Variants in RUSF1 observed in about 807,000 individuals in gnomAD.
RUSF1 encodes the protein RUS family member 1.
A neutral mutation model predicts 63.0 loss-of-function variants in RUSF1; 58 were observed. The observed-to-expected ratio is 0.92, with a 90% CI of 0.75 to 1.15. RUSF1 has a LOEUF of 1.15. RUSF1 is among the 50% of genes most tolerant of loss of function. The pLI, the probability that RUSF1 is intolerant of heterozygous loss-of-function variation, is 0.00. For synonymous variants in RUSF1, 274 were observed against 255.8 expected (o/e 1.07, Z -0.68); for missense variants, 652 against 611.0 (o/e 1.07, Z -0.71).
chr16:31,497,024 G>C, intron 5 of RUSF1, 74 bp from the exon 6 acceptor site: 1 of 1,276,798 alleles, frequency 7.8e-7, no homozygotes, highest in South Asian at 1.4e-5. Flanking sequence ...ACCAGCTGGA[G>C]AAAACCTGGC....
chr16:31,499,983 C>T lies in RUSF1; in HGVS notation c.462-458G>A, dbSNP rs376864425. ...GGGGATATGATTTCCCTGGATCACACGCAGAGTTGGGGAAAAGGCTAAGAG... is the reference window on the plus strand; with the variant it reads ...GGGGATATGATTTCCCTGGATCACATGCAGAGTTGGGGAAAAGGCTAAGAG... On this transcript the variant is annotated intron_variant, in intron 3 of 12. Coordinates refer to ENST00000327237, the MANE Select transcript of RUSF1 (RefSeq NM_022744.4). Among the ~76,000 whole-genome samples the T allele has an allele frequency of 6.6e-5, 10 of 152,264 alleles. No individual in the cohort carries two copies. The East Asian group carries it at 1.5e-3, about 24-fold the overall frequency.
At chr16:31,492,923 TGA>T in intron 10 of RUSF1, 53 bp downstream of exon 10, 1 of 1,540,730 alleles carries the variant, frequency 6.5e-7, no homozygotes, top group Admixed American at 1.7e-5. Flanking sequence ...GTTGGAGGAA[TGA>T]GAGGCTGACC....
rs556820847 is a variant in RUSF1, at chr16:31,499,411, G to A, written c.495-4C>T. 1.4e-5 allele frequency: 23 copies of A among 1,613,950 alleles called. 2 individuals carry two copies. The South Asian group carries it at 2.5e-4, about 18-fold the overall frequency. On this transcript the variant is annotated splice_region_variant and splice_polypyrimidine_tract_variant and intron_variant, in intron 4 of 12. Coordinates refer to ENST00000327237, the MANE Select transcript of RUSF1 (RefSeq NM_022744.4). Reference sequence around the variant, plus strand: ...ATTGAGGATGTCCGCAAAAAGCCTGGGGAGGGATCAGAGGTTAGAGGTCAG... The same window carrying A: ...ATTGAGGATGTCCGCAAAAAGCCTGAGGAGGGATCAGAGGTTAGAGGTCAG...
At chr16:31,497,635 C>A (rs939172596) in intron 5 of RUSF1, among the ~76,000 whole-genome samples, 2 of 152,220 alleles carry the variant, frequency 1.3e-5, no homozygotes, top group Admixed American at 6.5e-5. Flanking sequence ...CCGCCCCTGG[C>A]TGAGGGCTCT....
intron 10 of RUSF1, 101 bp downstream of exon 10, chr16:31,492,877 G>C: frequency 8.4e-7 from 1 of 1,188,342 alleles, no homozygotes; most frequent in Non-Finnish European, 1.2e-6. Flanking sequence ...CCCCAGAACA[G>C]GCAGCCTCCA....
chr16:31,492,190 C>T lies in RUSF1; in HGVS notation c.1231+7G>A. Reference sequence around the variant, plus strand: ...GGCATCAGCAGTCTAAATCTTGAGGCACTTACCTGCCCGCACCCGGTTCCT... The same window carrying T: ...GGCATCAGCAGTCTAAATCTTGAGGTACTTACCTGCCCGCACCCGGTTCCT... On this transcript the variant is annotated splice_region_variant and intron_variant, in intron 11 of 12. Coordinates refer to ENST00000327237, the MANE Select transcript of RUSF1 (RefSeq NM_022744.4). The T allele has an allele frequency of 6.2e-7, 1 of 1,609,808 alleles. No homozygotes were observed.
Position 31,492,090 on chromosome 16 carries a change from G to C in RUSF1, c.1232-4C>G. 1 of 1,614,140 alleles carries C rather than the reference G, an allele frequency of 6.2e-7. No homozygotes were observed. Among genetic ancestry groups the C allele is most frequent in the Non-Finnish European group, 8.5e-7 (1 of 1,179,996 alleles). On this transcript the variant is annotated splice_region_variant and splice_polypyrimidine_tract_variant and intron_variant, in intron 11 of 12. Transcript: ENST00000327237. ...ACCCAGCTCTCTTTCTTAGGACCTGGGTACGGGGGTGCAGAACCAGAAGCT... is the reference window on the plus strand; with the variant it reads ...ACCCAGCTCTCTTTCTTAGGACCTGCGTACGGGGGTGCAGAACCAGAAGCT...
Position 31,499,483 on chromosome 16 carries a change from CCCT to C in RUSF1, c.494+7_494+9del, listed in dbSNP as rs2082621805. The C allele has an allele frequency of 6.2e-7, 1 of 1,608,996 alleles. No individual in the cohort carries two copies. The highest frequency in any genetic ancestry group is 1.1e-5 in the South Asian group (1 of 90,596). On this transcript the variant is annotated splice_region_variant and intron_variant, in intron 4 of 12. Coordinates refer to ENST00000327237, the MANE Select transcript of RUSF1 (RefSeq NM_022744.4). ...GAAGACTCCCCTCCCCCGTCCCCGC[CCCT>C]CCTCACCTCCACTGCTTGGCATTGC...
In RUSF1 at chr16:31,493,055, G is replaced by A. The variant is rs749397721; in HGVS notation, c.1017-7C>T. On this transcript the variant is annotated splice_polypyrimidine_tract_variant and splice_region_variant and intron_variant, in intron 9 of 12. Transcript: ENST00000327237. ...CTGCTGCAGCTCAAAGACACTGTGG[G>A]GGAGAGGACAGTGCAGTGGGGGTGG... The A allele has an allele frequency of 2.5e-6, 4 of 1,613,650 alleles. No homozygotes were observed. The South Asian group carries it at 3.3e-5, about 13-fold the overall frequency.
Position 31,490,110 on chromosome 16 carries a change from C to T in RUSF1, c.*725G>A, listed in dbSNP as rs749300905. On this transcript the variant is annotated 3_prime_UTR_variant, in exon 13 of 13. Transcript: ENST00000327237. The stretch of plus-strand genomic sequence containing the variant: ...GTGCTCCCACCCTCCCCAGCTCCAC[C>T]GCCTGGTCTTCAGTCTCCGGCATAG... 2.8e-5 allele frequency: 45 copies of T among 1,613,728 alleles called. No homozygotes were observed. The highest frequency in any genetic ancestry group is 5.0e-5 in the Admixed American group (3 of 60,008).
intron 5 of RUSF1, 67 bp downstream of exon 5, chr16:31,499,235 C>A (rs901403490): frequency 4.3e-6 from 6 of 1,388,376 alleles, no homozygotes; most frequent in Admixed American, 1.7e-5. Flanking sequence ...ACTCACAGAG[C>A]CCAGGTAAAC....
rs1309541386 is a variant in RUSF1 at position 31,490,733 on chromosome 16, T to C, written c.*102A>G. The C allele has an allele frequency of 2.9e-6, 4 of 1,364,188 alleles. No homozygotes were observed. The highest frequency in any genetic ancestry group is 2.3e-5 in the East Asian group (1 of 43,388). 84.5% of individuals were successfully genotyped at this position (1,364,188 alleles called of 1,614,324 possible). ...TGAGGGCCTGGCCCACCCGCTGCAG[T>C]TGCCCTAAGGAAAAATAAAGCTGCC... is the stretch of plus-strand genomic sequence containing the variant. On this transcript the variant is annotated 3_prime_UTR_variant, in exon 13 of 13. Coordinates refer to ENST00000327237, the MANE Select transcript of RUSF1 (RefSeq NM_022744.4).
Position 31,499,167 on chromosome 16 carries a change from T to C in RUSF1, c.600+135A>G, listed in dbSNP as rs2082619165. The C allele has an allele frequency of 3.8e-6, 3 of 792,236 alleles. No individual in the cohort carries two copies. The African/African-American group carries it at 5.2e-5, about 14-fold the overall frequency. The allele number at this position is 792,236 out of a possible 1,614,324, so 49.1% of individuals were successfully genotyped here. On this transcript the variant is annotated intron_variant, in intron 5 of 12. Transcript: ENST00000327237. Reference sequence around the variant, plus strand: ...CTGGCTGGAGGAGGGTCAGAAAGGATGGTTGGGTTCGAGTAGAAACATCTG... The same window carrying C: ...CTGGCTGGAGGAGGGTCAGAAAGGACGGTTGGGTTCGAGTAGAAACATCTG...
intron 9 of RUSF1, 162 bp downstream of exon 9, chr16:31,493,305 C>T (rs772560633): frequency 3.5e-5 from 35 of 1,008,166 alleles, no homozygotes; most frequent in Non-Finnish European, 5.2e-5. Context: ...ATGTTATACA[C>T]CCTTTCCTTC....
At chr16:31,491,630 T>TG (rs2082569082) in intron 12 of RUSF1, among the ~76,000 whole-genome samples, 2 of 150,338 alleles carry the variant, frequency 1.3e-5, no homozygotes, top group African/African-American at 4.9e-5. Context: ...TTTTTTTTTT[T>TG]TTTTTTTTGA....
chr16:31,502,193 G>A (rs1489577618), intron 2 of RUSF1, among the ~76,000 whole-genome samples: 1 of 152,178 alleles, frequency 6.6e-6, no homozygotes, highest in African/African-American at 2.4e-5. Flanking sequence ...CTGACCCTGA[G>A]GTGGGGATGT....
chr16:31,505,918 C>T (rs1015635925), intron 2 of RUSF1, among the ~76,000 whole-genome samples: 2 of 152,166 alleles, frequency 1.3e-5, no homozygotes, highest in Non-Finnish European at 2.9e-5. Context: ...TGACAGCCTG[C>T]CGTTTTTGTT....
intron 3 of RUSF1, among the ~76,000 whole-genome samples, chr16:31,500,276 G>C (rs2082626005): frequency 6.6e-6 from 1 of 152,156 alleles, no homozygotes; most frequent in African/African-American, 2.4e-5. Context: ...ACGAGATCCT[G>C]AACACATGGC....
chr16:31,495,388 C>T (rs1472533317), intron 6 of RUSF1, among the ~76,000 whole-genome samples: 2 of 152,222 alleles, frequency 1.3e-5, no homozygotes, highest in African/African-American at 4.8e-5. Context: ...AGGAGCTCCT[C>T]TCTCCCAGGT....
Sources: gnomAD v4.1 joint callset for allele counts (sites outside exome capture counted in the v4.1 genomes callset) on GRCh38, gnomAD v4.1.1 for gene constraint, MANE v1.5 for transcripts, NCBI Gene and HGNC (gene_info 2026-07-23, HGNC 2026-07-21) for gene names.